DCAF8L2: variants seen among roughly 807,000 people sequenced by gnomAD.
DCAF8L2 encodes DDB1 and CUL4 associated factor 8 like 2, also known as DDB1- and CUL4-associated factor 8-like protein 2.
For synonymous variants in DCAF8L2, 200 were observed against 190.9 expected (o/e 1.05, Z -0.39); for missense variants, 430 against 490.7 (o/e 0.88, Z 1.17).
upstream of DCAF8L2, among the ~76,000 whole-genome samples, chrX:27,588,924 T>G (rs1925969006): frequency 9.0e-6 from 1 of 110,793 alleles, no homozygotes; most frequent in East Asian, 2.8e-4. Flanking sequence ...TTAAGTAATA[T>G]AAAACACATC....
At chrX:27,682,443 AT>A (rs1174807557) in intron 3 of DCAF8L2, among the ~76,000 whole-genome samples, 1 of 112,084 alleles carries the variant, frequency 8.9e-6, no homozygotes, top group Non-Finnish European at 1.9e-5. Flanking sequence ...AAATACAATA[AT>A]TTGTTTTAAA....
At chrX:27,514,696 CA>C in the DCAF8L2 span, among the ~76,000 whole-genome samples, 6 of 39,956 alleles carry the variant, frequency 1.5e-4, no homozygotes, top group South Asian at 2.2e-3. Context: ...AAAAAAAAAA[CA>C]AAAAAAAAAA....
chrX:27,681,845 A>G (rs1930339891), intron 3 of DCAF8L2, among the ~76,000 whole-genome samples: 1 of 112,380 alleles, frequency 8.9e-6, no homozygotes, highest in Admixed American at 9.5e-5. Context: ...CCCAGAGCCT[A>G]TTTTTATGCT....
At chrX:27,510,182 G>T in the DCAF8L2 span, among the ~76,000 whole-genome samples, 1 of 109,425 alleles carries the variant, frequency 9.1e-6, no homozygotes, top group Non-Finnish European at 1.9e-5. Flanking sequence ...ATATGCTCTA[G>T]GCTTTTCCAA....
rs780562926 is a variant in DCAF8L2, at chrX:27,748,222, G to A, written c.1327G>A (p.Asp443Asn). The A allele has an allele frequency of 3.3e-6, 4 of 1,210,499 alleles. No individual in the cohort carries two copies. In the African/African-American group the frequency reaches 5.2e-5, roughly 16 times the overall value. ...DGTELLASYN[D>N]DDIYLFNSSH... ...CACAGAGCTGCTAGCCAGCTACAAT[G>A]ATGACGATATTTACCTCTTCAACTC... The change falls in exon 5 of 5, where the codon GAT (aspartate) becomes AAT (asparagine). Residue 443 changes from aspartate to asparagine, a missense_variant. By Grantham distance (23) the Asp-to-Asn change is conservative (BLOSUM62 1). Transcript: ENST00000451261.
intron 2 of DCAF8L2, among the ~76,000 whole-genome samples, chrX:27,655,819 G>C (rs1425510180): frequency 1.8e-5 from 2 of 111,479 alleles, no homozygotes; most frequent in African/African-American, 6.5e-5. Context: ...CCCAAGTTGG[G>C]CACCGCATTC....
intron 4 of DCAF8L2, among the ~76,000 whole-genome samples, chrX:27,719,596 C>T (rs1169766482): frequency 9.2e-6 from 1 of 109,055 alleles, no homozygotes; most frequent in Non-Finnish European, 1.9e-5. Flanking sequence ...AGGTGCATGT[C>T]GCCATGCCTG....
At chrX:27,744,097 G>A (rs1374279068) in intron 4 of DCAF8L2, among the ~76,000 whole-genome samples, 2 of 111,200 alleles carry the variant, frequency 1.8e-5, no homozygotes, top group Non-Finnish European at 3.8e-5. Flanking sequence ...AAAGACCAAT[G>A]CTTCCTACTA....
At chrX:27,681,206 C>G in intron 3 of DCAF8L2, among the ~76,000 whole-genome samples, 1 of 107,895 alleles carries the variant, frequency 9.3e-6, no homozygotes, top group Non-Finnish European at 1.9e-5. Context: ...AAATTAAATA[C>G]ACACACACAC....
chrX:27,514,246 T>C, the DCAF8L2 span, among the ~76,000 whole-genome samples: 36 of 108,086 alleles, frequency 3.3e-4, 1 homozygote, highest in South Asian at 0.014. Context: ...TATGTACACA[T>C]ATGTACATAT....
the DCAF8L2 span, among the ~76,000 whole-genome samples, chrX:27,485,498 G>A: frequency 9.0e-5 from 10 of 111,031 alleles, no homozygotes; most frequent in Non-Finnish European, 1.5e-4. Flanking sequence ...ACCTTTAGTG[G>A]TTATATCATC....
At chrX:27,583,752 G>A in the DCAF8L2 span, among the ~76,000 whole-genome samples, 1 of 111,365 alleles carries the variant, frequency 9.0e-6, no homozygotes, top group Admixed American at 9.5e-5. Context: ...CGCTCCTTAC[G>A]AGAATGTAAT....
At chrX:27,537,559 C>G in the DCAF8L2 span, among the ~76,000 whole-genome samples, 5 of 112,277 alleles carry the variant, frequency 4.5e-5, no homozygotes, top group African/African-American at 1.6e-4. Context: ...TTTCTAGACT[C>G]TTTGTAAGCC....
At chrX:27,491,051 G>T in the DCAF8L2 span, among the ~76,000 whole-genome samples, 1 of 111,954 alleles carries the variant, frequency 8.9e-6, no homozygotes, top group African/African-American at 3.2e-5. Flanking sequence ...TTTTTCCCCT[G>T]AATTTCTTTT....
the DCAF8L2 span, among the ~76,000 whole-genome samples, chrX:27,513,961 T>C: frequency 1.8e-5 from 2 of 111,665 alleles, no homozygotes; most frequent in Non-Finnish European, 3.8e-5. Flanking sequence ...CCTCAAAGAA[T>C]TAAAAATAGA....
chrX:27,711,572 C>T (rs1931536220), intron 3 of DCAF8L2, among the ~76,000 whole-genome samples: 2 of 109,693 alleles, frequency 1.8e-5, no homozygotes, highest in Middle Eastern at 4.3e-3. Context: ...ATTTATATCC[C>T]ATAACATCAT....
At chrX:27,504,844 T>C in the DCAF8L2 span, among the ~76,000 whole-genome samples, 1 of 111,484 alleles carries the variant, frequency 9.0e-6, no homozygotes, top group Non-Finnish European at 1.9e-5. Context: ...ATTTCATGAT[T>C]CTATCTCTTT....
At chrX:27,640,386 C>A (rs1456705022) in intron 2 of DCAF8L2, among the ~76,000 whole-genome samples, 1 of 110,119 alleles carries the variant, frequency 9.1e-6, no homozygotes, top group African/African-American at 3.3e-5. Context: ...CTTTCACTTA[C>A]TAACATACAT....
At chrX:27,572,897 A>G in the DCAF8L2 span, among the ~76,000 whole-genome samples, 39 of 111,502 alleles carry the variant, frequency 3.5e-4, no homozygotes, top group African/African-American at 1.2e-3. Flanking sequence ...CAGGTTACAT[A>G]CTGCGTTATT....
Sources: gnomAD v4.1 joint callset for allele counts (sites outside exome capture counted in the v4.1 genomes callset) on GRCh38, gnomAD v4.1.1 for gene constraint, MANE v1.5 for transcripts, NCBI Gene and HGNC (gene_info 2026-07-23, HGNC 2026-07-21) for gene names.